NUP37: variants seen among roughly 807,000 people sequenced by gnomAD.
NUP37 encodes nucleoporin 37.
A neutral mutation model predicts 45.4 loss-of-function variants in NUP37; 33 were observed. The ratio of observed to expected loss-of-function variants is 0.73; its 90% CI spans 0.55 to 0.97. NUP37 has a LOEUF of 0.97. Ranked by LOEUF, NUP37 falls within the 50% of genes least tolerant of loss-of-function variation. The pLI, the probability that NUP37 is intolerant of heterozygous loss-of-function variation, is 0.00. For synonymous variants in NUP37, 127 were observed against 130.7 expected (o/e 0.97, Z 0.19); for missense variants, 365 against 389.7 (o/e 0.94, Z 0.53).
intron 3 of NUP37, among the ~76,000 whole-genome samples, chr12:102,109,780 C>T (rs895742734): frequency 6.6e-5 from 10 of 151,984 alleles, no homozygotes; most frequent in African/African-American, 2.4e-4. Context: ...GACAGGAAAA[C>T]AAGTACTAAG....
rs1002780959 is a variant in NUP37, at chr12:102,088,865, G to A, written c.450-3009C>T. On this transcript the variant is annotated intron_variant, in intron 5 of 9. Transcript: ENST00000552283. The stretch of plus-strand genomic sequence containing the variant: ...TAGGCAGAGGTCCCTGCGGCCTTCC[G>A]CAGTGTTTGTGTCCCTGGGTACTTG... 3.3e-5 allele frequency among the ~76,000 whole-genome samples: 5 copies of A among 151,422 alleles called. No homozygotes were observed. In the South Asian group the frequency reaches 8.3e-4, roughly 25 times the overall value.
chr12:102,092,239 A>G (rs1261495867), intron 5 of NUP37, among the ~76,000 whole-genome samples: 2 of 152,242 alleles, frequency 1.3e-5, no homozygotes, highest in African/African-American at 4.8e-5. Context: ...GAAAGAATGG[A>G]TGACATTAAA....
chr12:102,100,453 T>C (rs1879939057), intron 4 of NUP37, among the ~76,000 whole-genome samples: 1 of 152,246 alleles, frequency 6.6e-6, no homozygotes, highest in African/African-American at 2.4e-5. Flanking sequence ...GTATCAACAT[T>C]ATTCTAAGCG....
chr12:102,088,338 T>C (rs551481696), intron 5 of NUP37, among the ~76,000 whole-genome samples: 3 of 152,282 alleles, frequency 2.0e-5, no homozygotes, highest in Admixed American at 6.5e-5. Flanking sequence ...TCACTTTTTT[T>C]TGGGTAAAAT....
intron 5 of NUP37, among the ~76,000 whole-genome samples, chr12:102,086,533 C>T (rs1240170352): frequency 6.6e-6 from 1 of 152,220 alleles, no homozygotes; most frequent in East Asian, 1.9e-4. Flanking sequence ...TCAATAGTTA[C>T]AAATCCACAG....
chr12:102,087,348 AT>A (rs1879500976), intron 5 of NUP37, among the ~76,000 whole-genome samples: 1 of 152,242 alleles, frequency 6.6e-6, no homozygotes, highest in South Asian at 2.1e-4. Flanking sequence ...CCTTGTAGAA[AT>A]TATTGGGTCT....
chr12:102,111,211 T>C (rs146842889), intron 3 of NUP37, among the ~76,000 whole-genome samples: 111 of 152,306 alleles, frequency 7.3e-4, no homozygotes, highest in African/African-American at 2.6e-3. Context: ...ATCCCACTTA[T>C]ATGAAGTTCT....
In NUP37 at chr12:102,112,276, CAATAT is replaced by C. The variant is rs748430672; in HGVS notation, c.157-49_157-45del. ...TGTTTTAATAAGTAATGAGAACAAA[CAATAT>C]AATATTCTGTATTTCATTATAATGA... On this transcript the variant is annotated intron_variant, in intron 2 of 9. Coordinates refer to ENST00000552283, the MANE Select transcript of NUP37 (RefSeq NM_024057.4). 66 of 1,499,688 alleles carry C rather than the reference CAATAT, an allele frequency of 4.4e-5. No homozygotes were observed. In the East Asian group the frequency reaches 1.0e-3, roughly 23 times the overall value. 92.9% of individuals were successfully genotyped at this position (1,499,688 alleles called of 1,614,324 possible). A position where few individuals can be genotyped will look rare whatever the true frequency, so the allele number is the denominator to read the frequency against.
chr12:102,102,474 T>C (rs1594395886), intron 3 of NUP37, among the ~76,000 whole-genome samples: 1 of 152,198 alleles, frequency 6.6e-6, no homozygotes, highest in Admixed American at 6.5e-5. Context: ...TGTGATTGAG[T>C]AATTTGAGTT....
intron 3 of NUP37, among the ~76,000 whole-genome samples, chr12:102,102,302 A>G (rs1879993704): frequency 6.6e-6 from 1 of 152,126 alleles, no homozygotes. Context: ...TAATTTGTCA[A>G]GAGTTGTTAG....
At chr12:102,085,641 C>G in intron 6 of NUP37, 125 bp downstream of exon 6, 1 of 479,740 alleles carries the variant, frequency 2.1e-6, no homozygotes, top group East Asian at 3.3e-5. Context: ...AATCCAAATG[C>G]CTTTGTGCTG....
intron 3 of NUP37, among the ~76,000 whole-genome samples, chr12:102,104,532 G>GA (rs1440301723): frequency 6.6e-6 from 1 of 152,114 alleles, no homozygotes; most frequent in Non-Finnish European, 1.5e-5. Context: ...TCAAAACTAA[G>GA]AAAAAACTGC....
Position 102,074,308 on chromosome 12 carries a change from T to C in NUP37, c.*46A>G, listed in dbSNP as rs545339061. The stretch of plus-strand genomic sequence containing the variant: ...TGTACTATAGAAATTCTTCAAAATA[T>C]GTACTAAAAATACAAAGTTTGTGAA... On this transcript the variant is annotated 3_prime_UTR_variant, in exon 10 of 10. Transcript: ENST00000552283. 2.1e-5 allele frequency: 24 copies of C among 1,143,542 alleles called. 1 individual carries two copies. In the South Asian group the frequency reaches 2.8e-4, roughly 13 times the overall value. The allele number at this position is 1,143,542 out of a possible 1,614,324, so 70.8% of individuals were successfully genotyped here.
chr12:102,095,983 C>T (rs913128994), intron 5 of NUP37, among the ~76,000 whole-genome samples: 12 of 152,054 alleles, frequency 7.9e-5, no homozygotes, highest in Non-Finnish European at 1.6e-4. Context: ...TTCTGATATC[C>T]AGTCTTACTC....
intron 3 of NUP37, 75 bp downstream of exon 3, chr12:102,112,033 T>C: frequency 7.3e-7 from 1 of 1,369,570 alleles, no homozygotes; most frequent in Non-Finnish European, 1.0e-6. Context: ...AAAAAGTATC[T>C]ATGATCAGAC....
At chr12:102,091,399 CAAAAAAAAAAAAAAAA>C (rs1163474160) in intron 5 of NUP37, among the ~76,000 whole-genome samples, 1 of 37,800 alleles carries the variant, frequency 2.6e-5, no homozygotes, top group Admixed American at 3.9e-4. Flanking sequence ...GACTCCGTCT[CAAAAAAAAAAAAAAAA>C]AAAAAAAAAA....
intron 3 of NUP37, among the ~76,000 whole-genome samples, chr12:102,106,280 A>T (rs768036272): frequency 3.1e-4 from 47 of 152,348 alleles, no homozygotes; most frequent in Non-Finnish European, 5.7e-4. Flanking sequence ...GTGGTTTGTT[A>T]TGGCAACAGT....
intron 2 of NUP37, among the ~76,000 whole-genome samples, chr12:102,117,767 T>C (rs61008062): frequency 0.032 from 4,835 of 152,300 alleles, 238 homozygotes; most frequent in African/African-American, 0.11. Flanking sequence ...ATGCTAAATA[T>C]CTTATTCAAG....
chr12:102,091,280 C>A (rs774538856), intron 5 of NUP37, among the ~76,000 whole-genome samples: 1 of 151,822 alleles, frequency 6.6e-6, no homozygotes, highest in East Asian at 1.9e-4. Flanking sequence ...CACCTGTAAT[C>A]CCAGCTACTC....
Sources: allele counts gnomAD v4.1 joint callset (sites outside exome capture counted in the v4.1 genomes callset), GRCh38; gene constraint gnomAD v4.1.1; transcripts MANE v1.5; gene names NCBI Gene and HGNC (gene_info 2026-07-23, HGNC 2026-07-21).